AMTN: variants seen among roughly 807,000 people sequenced by gnomAD.
The protein encoded by AMTN is amelotin, also known as RSTI689.
In AMTN, 29 loss-of-function variants were observed where a neutral mutation model predicts 27.4. The ratio of observed to expected loss-of-function variants is 1.06; its 90% CI spans 0.79 to 1.44. AMTN has a LOEUF of 1.44. Ranked by LOEUF, AMTN falls within the 40% of genes most tolerant of loss-of-function variation. The probability of loss-of-function intolerance (pLI) is 0.00; values close to 1 mark genes in which losing one functional copy is unlikely to be tolerated. For missense variants in AMTN, 247 were observed against 248.8 expected, an observed-to-expected ratio of 0.99 and a Z score of 0.05; for synonymous variants, 86 against 95.7, an observed-to-expected ratio of 0.90 and a Z score of 0.59.
intron 7 of AMTN, among the ~76,000 whole-genome samples, chr4:70,530,371 G>A (rs937972283): frequency 2.1e-4 from 32 of 152,262 alleles, no homozygotes; most frequent in African/African-American, 7.2e-4. Flanking sequence ...ACAACCCTCA[G>A]TTTGAAAACG....
intron 2 of AMTN, among the ~76,000 whole-genome samples, chr4:70,520,694 C>T (rs1356001663): frequency 2.6e-5 from 4 of 152,068 alleles, no homozygotes; most frequent in Non-Finnish European, 1.5e-5. Flanking sequence ...ATCAGTAGGT[C>T]ACATGACAGG....
At chr4:70,519,788 T>A (rs1442687784) in intron 2 of AMTN, among the ~76,000 whole-genome samples, 1 of 152,116 alleles carries the variant, frequency 6.6e-6, no homozygotes, top group African/African-American at 2.4e-5. Context: ...AAATGTTAAA[T>A]TATAAATAAT....
intron 8 of AMTN, 144 bp downstream of exon 8, chr4:70,531,444 C>A (rs1560575267): frequency 9.5e-7 from 1 of 1,058,160 alleles, no homozygotes; most frequent in Non-Finnish European, 1.4e-6. Flanking sequence ...TTAACTCCAG[C>A]AACATGAGGG....
intron 7 of AMTN, among the ~76,000 whole-genome samples, chr4:70,529,844 T>C (rs914101064): frequency 6.6e-6 from 1 of 152,182 alleles, no homozygotes; most frequent in African/African-American, 2.4e-5. Context: ...AGCTTTTCTA[T>C]TATGGAAAAT....
At chr4:70,522,942 A>G in intron 3 of AMTN, 104 bp downstream of exon 3, 1 of 1,124,360 alleles carries the variant, frequency 8.9e-7, no homozygotes, top group Non-Finnish European at 1.3e-6. Context: ...TTTAAAATCA[A>G]AATTTACATG....
chr4:70,522,032 T>C (rs28649697), intron 2 of AMTN, among the ~76,000 whole-genome samples: 67,733 of 151,978 alleles, frequency 0.45, 15,880 homozygotes, highest in Admixed American at 0.52. Flanking sequence ...GCCACACCCC[T>C]GTGCCTTCCA....
At chr4:70,528,858 T>C in intron 6 of AMTN, 100 bp downstream of exon 6, 1 of 1,025,348 alleles carries the variant, frequency 9.8e-7, no homozygotes, top group Non-Finnish European at 1.4e-6. Flanking sequence ...GTTTCCAATG[T>C]ACTTTGTACT....
chr4:70,531,640 T>A (rs985131720), intron 8 of AMTN, among the ~76,000 whole-genome samples: 1 of 152,182 alleles, frequency 6.6e-6, no homozygotes, highest in East Asian at 1.9e-4. Flanking sequence ...AGCCTCCCAG[T>A]AGCTAGGATT....
chr4:70,522,608 C>G (rs559610560), intron 2 of AMTN, 147 bp from the exon 3 acceptor site: 47 of 790,048 alleles, frequency 5.9e-5, no homozygotes, highest in Non-Finnish European at 9.4e-5. Context: ...CTACCATGCA[C>G]ATAATGTTTC....
Position 70,518,642 on chromosome 4 carries a change from C to G in AMTN, c.-28C>G. ...ACCTTGAGTATTGTACATTTTGCCT[C>G]GTGGACCCAAAGGTAACATTAATTG... On this transcript the variant is annotated 5_prime_UTR_variant, in exon 1 of 9. Transcript: ENST00000339336. The G allele has an allele frequency of 1.4e-6, 1 of 699,708 alleles. No individual in the cohort carries two copies. Among genetic ancestry groups the G allele is most frequent in the Non-Finnish European group, 2.4e-6 (1 of 411,556 alleles). The allele number at this position is 699,708 out of a possible 1,614,324, so 43.3% of individuals were successfully genotyped here. A position where few individuals can be genotyped will look rare whatever the true frequency, so the allele number is the denominator to read the frequency against.
intron 7 of AMTN, 55 bp from the exon 8 acceptor site, chr4:70,530,984 G>T: frequency 6.3e-7 from 1 of 1,596,408 alleles, no homozygotes; most frequent in Non-Finnish European, 8.5e-7. Flanking sequence ...CCTTAAAAGA[G>T]AAAAGAAAAT....
chr4:70,521,839 T>C (rs964424056), intron 2 of AMTN, among the ~76,000 whole-genome samples: 5 of 151,978 alleles, frequency 3.3e-5, no homozygotes, highest in Admixed American at 1.3e-4. Context: ...AGGCTGGTCC[T>C]GAACTCCTGA....
At chr4:70,519,758 T>C (rs904617921) in intron 2 of AMTN, among the ~76,000 whole-genome samples, 7 of 152,136 alleles carry the variant, frequency 4.6e-5, no homozygotes, top group African/African-American at 1.7e-4. Flanking sequence ...TTTTATTTTT[T>C]ACTCAAATGA....
chr4:70,526,986 C>T (rs749570628), intron 5 of AMTN, among the ~76,000 whole-genome samples: 6 of 152,062 alleles, frequency 3.9e-5, no homozygotes, highest in Non-Finnish European at 5.9e-5. Context: ...ACTGGTGGCT[C>T]GCATTTATCA....
At chr4:70,525,659 GC>G (rs1217812482) in intron 5 of AMTN, among the ~76,000 whole-genome samples, 1 of 152,184 alleles carries the variant, frequency 6.6e-6, no homozygotes, top group Non-Finnish European at 1.5e-5. Context: ...ACTTTGGAAG[GC>G]CAAGGCAGGA....
intron 2 of AMTN, among the ~76,000 whole-genome samples, chr4:70,522,465 A>G (rs967348031): frequency 1.4e-4 from 21 of 152,120 alleles, no homozygotes; most frequent in Non-Finnish European, 4.4e-5. Flanking sequence ...GGCAAAAGAG[A>G]AAGAAAGGTA....
chr4:70,524,655 G>A (rs2109771630), intron 4 of AMTN, among the ~76,000 whole-genome samples: 1 of 129,500 alleles, frequency 7.7e-6, no homozygotes, highest in South Asian at 2.3e-4. Flanking sequence ...AAACTTAACA[G>A]GGGAAAAGTT....
Position 70,518,841 on chromosome 4 carries a change from T to C in AMTN, c.54+10T>C. The C allele has an allele frequency of 6.2e-7, 1 of 1,604,174 alleles. No homozygotes were observed. Among genetic ancestry groups the C allele is most frequent in the Non-Finnish European group, 8.5e-7 (1 of 1,170,968 alleles). On this transcript the variant is annotated intron_variant, in intron 2 of 8. Coordinates refer to ENST00000339336, the MANE Select transcript of AMTN (RefSeq NM_212557.4). ...AACTCGGTCATTACCAGTAAGTATG[T>C]TATGTTTGTTTTATATGCCAGCCAG...
intron 2 of AMTN, 142 bp from the exon 3 acceptor site, chr4:70,522,613 T>C (rs991300676): frequency 1.4e-5 from 11 of 804,166 alleles, no homozygotes; most frequent in Non-Finnish European, 1.9e-5. Context: ...ATGCACATAA[T>C]GTTTCAGGGA....
Sources: allele counts gnomAD v4.1 joint callset (sites outside exome capture counted in the v4.1 genomes callset), GRCh38; gene constraint gnomAD v4.1.1; transcripts MANE v1.5; gene names NCBI Gene and HGNC (gene_info 2026-07-23, HGNC 2026-07-21).